Variants in SLC12A7 observed in about 807,000 individuals in gnomAD.
SLC12A7 encodes the protein K-Cl cotransporter 4.
Under a neutral mutation model 120.6 loss-of-function variants are expected in SLC12A7, and 100 were observed. The observed-to-expected ratio is 0.83, with a 90% CI of 0.71 to 0.98. SLC12A7 has a LOEUF of 0.98. Ranked by LOEUF, SLC12A7 falls within the 50% of genes least tolerant of loss-of-function variation. SLC12A7 has a pLI of 0.00. For synonymous variants in SLC12A7, 760 were observed against 678.0 expected (o/e 1.12, Z -1.88); for missense variants, 1,373 against 1,548.1 (o/e 0.89, Z 1.90).
the SLC12A7 span, among the ~76,000 whole-genome samples, chr5:1,149,175 T>A: frequency 6.8e-6 from 1 of 146,268 alleles, no homozygotes; most frequent in Non-Finnish European, 1.5e-5. Context: ...TGCTACCGTG[T>A]GAGCTTCTGA....
intron 1 of SLC12A7, among the ~76,000 whole-genome samples, chr5:1,109,116 T>C (rs1457098628): frequency 1.3e-5 from 2 of 152,108 alleles, no homozygotes; most frequent in African/African-American, 4.8e-5. Context: ...AAGTCCCTCC[T>C]AGACAGTGGG....
intron 1 of SLC12A7, among the ~76,000 whole-genome samples, chr5:1,100,431 C>A (rs984867595): frequency 4.6e-5 from 7 of 152,266 alleles, no homozygotes; most frequent in Admixed American, 1.3e-4. Flanking sequence ...GATGGTCTCG[C>A]AGCAGCCCCC....
chr5:1,095,346 C>G (rs1170744990), intron 1 of SLC12A7, among the ~76,000 whole-genome samples: 1 of 152,222 alleles, frequency 6.6e-6, no homozygotes, highest in Non-Finnish European at 1.5e-5. Context: ...TGCCCGGGAC[C>G]CCTGAGCAGC....
At chr5:1,059,707 G>A (rs908344323) in intron 21 of SLC12A7, among the ~76,000 whole-genome samples, 4 of 147,714 alleles carry the variant, frequency 2.7e-5, no homozygotes, top group African/African-American at 5.0e-5. Flanking sequence ...AGCCAAAGCC[G>A]CTGCAGCCAG....
intron 22 of SLC12A7, chr5:1,057,221 ACAAGGAC>A (rs1216954462): frequency 8.4e-6 from 4 of 474,756 alleles, no homozygotes; most frequent in Non-Finnish European, 1.5e-5. Flanking sequence ...CCCAGGTCTT[ACAAGGAC>A]TCCCGGCCTT....
At chr5:1,105,557 T>C (rs1057233408) in intron 1 of SLC12A7, among the ~76,000 whole-genome samples, 7 of 152,250 alleles carry the variant, frequency 4.6e-5, no homozygotes, top group Non-Finnish European at 8.8e-5. Flanking sequence ...CTGGACAGCA[T>C]GGCCAGCCAG....
intron 17 of SLC12A7, among the ~76,000 whole-genome samples, chr5:1,070,016 ACGGG>A: frequency 7.8e-5 from 3 of 38,358 alleles, no homozygotes; most frequent in Non-Finnish European, 2.7e-4. Context: ...CCCCCAGCAC[ACGGG>A]CATCACACTT....
At chr5:1,066,649 G>A (rs918754526) in intron 17 of SLC12A7, among the ~76,000 whole-genome samples, 4 of 152,194 alleles carry the variant, frequency 2.6e-5, no homozygotes, top group African/African-American at 9.7e-5. Flanking sequence ...TGTTGAGAGA[G>A]CATCCTGGGT....
At chr5:1,065,122 G>A (rs1297908842) in intron 18 of SLC12A7, among the ~76,000 whole-genome samples, 161 bp downstream of exon 18, 1 of 146,610 alleles carries the variant, frequency 6.8e-6, no homozygotes, top group Non-Finnish European at 1.5e-5. Context: ...GGACGGCGAG[G>A]GGATGCAGAG....
chr5:1,138,523 C>A, the SLC12A7 span, among the ~76,000 whole-genome samples: 2 of 152,222 alleles, frequency 1.3e-5, no homozygotes, highest in Non-Finnish European at 2.9e-5. Context: ...CTCTCAACCT[C>A]ATAGGGCCTC....
chr5:1,064,730 A>AGGGACGGTGAG (rs1736745104), intron 18 of SLC12A7, among the ~76,000 whole-genome samples: 1 of 70,332 alleles, frequency 1.4e-5, no homozygotes, highest in African/African-American at 5.7e-5. Flanking sequence ...GAGACGGTGA[A>AGGGACGGTGAG]GGGACAGCGA....
upstream of SLC12A7, among the ~76,000 whole-genome samples, chr5:1,116,741 A>G (rs1743340757): frequency 6.6e-6 from 1 of 152,172 alleles, no homozygotes. Context: ...AGTTGCAGAC[A>G]CAGGGAAGGT....
rs1740235381 is a variant in SLC12A7, at chr5:1,089,262, C to G, written c.343-134G>C. On this transcript the variant is annotated intron_variant, in intron 3 of 23. Coordinates refer to ENST00000264930, the MANE Select transcript of SLC12A7 (RefSeq NM_006598.3). ...GAGGGGGCAGGAGTCCTTCCCAGAA[C>G]AGATGGAGGTTCAGAGAGAGGCCCA... is the stretch of plus-strand genomic sequence containing the variant. The G allele has an allele frequency of 4.4e-6, 4 of 910,034 alleles. No homozygotes were observed. The African/African-American group carries it at 6.7e-5, about 15-fold the overall frequency. The allele number at this position is 910,034 out of a possible 1,614,324, so 56.4% of individuals were successfully genotyped here.
rs1190100806 is a variant in SLC12A7 at position 1,082,341 on chromosome 5, C to T, written c.1130-597G>A. On this transcript the variant is annotated intron_variant, in intron 8 of 23. Transcript: ENST00000264930. The stretch of plus-strand genomic sequence containing the variant: ...AGGGTTCTGGAAAGTCCGGGCTTCC[C>T]GTCTCGGGTTCTGGAAAGTCCAGGC... 3.2e-3 allele frequency among the ~76,000 whole-genome samples: 321 copies of T among 101,688 alleles called. 3 individuals carry two copies. The highest frequency in any genetic ancestry group is 4.0e-3 in the Non-Finnish European group (173 of 43,130). 66.7% of individuals were successfully genotyped at this position (101,688 alleles called of 152,430 possible).
At chr5:1,084,799 G>A (rs939690086) in intron 7 of SLC12A7, among the ~76,000 whole-genome samples, 2 of 152,132 alleles carry the variant, frequency 1.3e-5, no homozygotes, top group African/African-American at 2.4e-5. Flanking sequence ...CCACTCCCAT[G>A]TTCCAGGACC....
At chr5:1,062,096 C>T (rs1736356680) in intron 20 of SLC12A7, among the ~76,000 whole-genome samples, 1 of 152,104 alleles carries the variant, frequency 6.6e-6, no homozygotes, top group African/African-American at 2.4e-5. Flanking sequence ...GTGCTGGGAG[C>T]TCCAGGTTCC....
chr5:1,106,633 C>T (rs937125305), intron 1 of SLC12A7, among the ~76,000 whole-genome samples: 3 of 152,140 alleles, frequency 2.0e-5, no homozygotes, highest in African/African-American at 4.8e-5. Context: ...CTGTGCCCAG[C>T]GGTGCCACGT....
chr5:1,129,551 C>T, the SLC12A7 span, among the ~76,000 whole-genome samples: 1 of 152,140 alleles, frequency 6.6e-6, no homozygotes, highest in Admixed American at 6.5e-5. Flanking sequence ...ACCACAGCGT[C>T]CCAGGCGACA....
intron 1 of SLC12A7, among the ~76,000 whole-genome samples, chr5:1,103,857 G>C (rs1579438772): frequency 6.6e-6 from 1 of 152,240 alleles, no homozygotes; most frequent in Admixed American, 6.5e-5. Flanking sequence ...TCACGTGGCT[G>C]TTTGCTGGTC....
Sources: allele counts gnomAD v4.1 joint callset (sites outside exome capture counted in the v4.1 genomes callset), GRCh38; gene constraint gnomAD v4.1.1; transcripts MANE v1.5; gene names NCBI Gene and HGNC (gene_info 2026-07-23, HGNC 2026-07-21).